FTO: variants seen among roughly 807,000 people sequenced by gnomAD.
The protein encoded by FTO is FTO alpha-ketoglutarate dependent dioxygenase.
In FTO, 47 loss-of-function variants were observed where a neutral mutation model predicts 63.9. That is an observed-to-expected ratio of 0.74 (90% confidence interval 0.58 to 0.94). The LOEUF (loss-of-function observed/expected upper bound fraction) is 0.94. Ranked by LOEUF, FTO falls within the 40% of genes least tolerant of loss-of-function variation. The pLI is 0.00. For synonymous variants in FTO, 207 were observed against 224.4 expected (o/e 0.92, Z 0.69); for missense variants, 562 against 618.1 (o/e 0.91, Z 0.96).
Position 54,024,677 on chromosome 16 carries a change from A to G in FTO, c.1365-87085A>G, listed in dbSNP as rs149716194. Reference sequence around the variant, plus strand: ...TTAACCATTCTCCCTCGGTTTTCCCATCTGAATAAAGGGAATAATAGCAAT... The same window carrying G: ...TTAACCATTCTCCCTCGGTTTTCCCGTCTGAATAAAGGGAATAATAGCAAT... On this transcript the variant is annotated intron_variant, in intron 8 of 8. Transcript: ENST00000471389. 5.7e-3 allele frequency among the ~76,000 whole-genome samples: 873 copies of G among 152,286 alleles called. 29 individuals are homozygous for G. Among genetic ancestry groups the G allele is most frequent in the Admixed American group, 0.048 (735 of 15,298 alleles).
chr16:53,888,171 T>C (rs1376576991), intron 6 of FTO, among the ~76,000 whole-genome samples: 1 of 151,912 alleles, frequency 6.6e-6, no homozygotes, highest in Non-Finnish European at 1.5e-5. Context: ...GTGAGCTGGG[T>C]TGTGTAAGAG....
At chr16:53,716,016 T>C (rs1404700161) in intron 1 of FTO, among the ~76,000 whole-genome samples, 1 of 152,190 alleles carries the variant, frequency 6.6e-6, no homozygotes, top group East Asian at 1.9e-4. Context: ...CAAATAATTA[T>C]AATAATGCAG....
At chr16:53,952,657 A>G (rs904337102) in intron 8 of FTO, among the ~76,000 whole-genome samples, 1 of 152,236 alleles carries the variant, frequency 6.6e-6, no homozygotes, top group African/African-American at 2.4e-5. Flanking sequence ...TCCAAGGCAG[A>G]AGAGACAGAG....
intron 2 of FTO, among the ~76,000 whole-genome samples, chr16:53,813,346 G>A (rs576990032): frequency 5.9e-5 from 9 of 151,998 alleles, no homozygotes; most frequent in African/African-American, 9.6e-5. Context: ...TGAGTAGCTG[G>A]GATTACAGGC....
chr16:53,779,129 T>A (rs2077528929), intron 1 of FTO, among the ~76,000 whole-genome samples: 1 of 152,178 alleles, frequency 6.6e-6, no homozygotes, highest in African/African-American at 2.4e-5. Flanking sequence ...TCTTTCTGCT[T>A]CCTGACTGGC....
At chr16:53,907,482 G>C (rs2081568579) in intron 7 of FTO, among the ~76,000 whole-genome samples, 1 of 152,112 alleles carries the variant, frequency 6.6e-6, no homozygotes, top group African/African-American at 2.4e-5. Flanking sequence ...TCGCTAACCT[G>C]GCCAATGATA....
rs1160487874 is a variant in FTO at position 54,106,704 on chromosome 16, TTGTA to T, written c.1365-5053_1365-5050del. ...ATATAAAATTATATAATTGTTACAA[TTGTA>T]TGTAATAGTTATATAATTATATATT... On this transcript the variant is annotated intron_variant, in intron 8 of 8. Coordinates refer to ENST00000471389, the MANE Select transcript of FTO (RefSeq NM_001080432.3). 1.3e-4 allele frequency among the ~76,000 whole-genome samples: 18 copies of T among 136,416 alleles called. No individual in the cohort carries two copies. The South Asian group carries it at 3.3e-3, about 25-fold the overall frequency. The allele number at this position is 136,416 out of a possible 152,430, so 89.5% of individuals were successfully genotyped here.
At chr16:53,783,088 A>G (rs1431685020) in intron 1 of FTO, among the ~76,000 whole-genome samples, 1 of 152,246 alleles carries the variant, frequency 6.6e-6, no homozygotes, top group Non-Finnish European at 1.5e-5. Flanking sequence ...CACAGGTACG[A>G]ATGAGATATG....
intron 7 of FTO, among the ~76,000 whole-genome samples, chr16:53,910,767 C>T (rs1337781584): frequency 6.6e-6 from 1 of 152,126 alleles, no homozygotes; most frequent in Non-Finnish European, 1.5e-5. Context: ...AACTCCTGAC[C>T]TCAGGGGATC....
At chr16:54,019,343 A>G (rs2084533553) in intron 8 of FTO, among the ~76,000 whole-genome samples, 1 of 152,228 alleles carries the variant, frequency 6.6e-6, no homozygotes, top group East Asian at 1.9e-4. Flanking sequence ...TCTGTTAACA[A>G]GGAAGAAGGT....
At chr16:54,067,710 G>A (rs1277169274) in intron 8 of FTO, among the ~76,000 whole-genome samples, 2 of 152,218 alleles carry the variant, frequency 1.3e-5, no homozygotes, top group Admixed American at 1.3e-4. Flanking sequence ...CACCAGATTG[G>A]AGGGTTATTT....
At chr16:54,030,544 A>G (rs1423258804) in intron 8 of FTO, among the ~76,000 whole-genome samples, 3 of 152,076 alleles carry the variant, frequency 2.0e-5, no homozygotes, top group African/African-American at 7.2e-5. Flanking sequence ...GATATCTAGC[A>G]AAACTTAGTC....
chr16:53,708,359 T>C (rs1427292020), intron 1 of FTO, among the ~76,000 whole-genome samples: 8 of 151,486 alleles, frequency 5.3e-5, no homozygotes, highest in African/African-American at 1.5e-4. Context: ...AGTGAGACTG[T>C]GTCTCAAAAA....
intron 1 of FTO, among the ~76,000 whole-genome samples, chr16:53,741,334 A>T (rs16952490): frequency 1.3e-5 from 2 of 152,148 alleles, no homozygotes; most frequent in African/African-American, 4.8e-5. Flanking sequence ...TGAAACAATG[A>T]GGTTATTCTA....
intron 4 of FTO, among the ~76,000 whole-genome samples, chr16:53,851,222 C>T (rs1008426898): frequency 2.0e-5 from 3 of 147,750 alleles, no homozygotes; most frequent in Non-Finnish European, 3.0e-5. Context: ...CCAAGGCGGA[C>T]GGATCTCTTG....
intron 4 of FTO, among the ~76,000 whole-genome samples, chr16:53,846,313 T>C (rs2079619466): frequency 6.6e-6 from 1 of 152,210 alleles, no homozygotes; most frequent in African/African-American, 2.4e-5. Flanking sequence ...GTGTCATTTG[T>C]AGGTAAACAT....
intron 8 of FTO, among the ~76,000 whole-genome samples, chr16:54,076,169 T>A (rs745526355): frequency 2.0e-5 from 3 of 152,222 alleles, no homozygotes. Flanking sequence ...TTATAGTGTG[T>A]TTAAAATACT....
At chr16:53,777,129 C>T (rs919609608) in intron 1 of FTO, among the ~76,000 whole-genome samples, 5 of 152,078 alleles carry the variant, frequency 3.3e-5, no homozygotes, top group African/African-American at 1.2e-4. Context: ...GTTTACTAGT[C>T]AGCATGCTGT....
In FTO at chr16:54,052,840, C is replaced by T. The variant is rs1599279759; in HGVS notation, c.1365-58922C>T. Among the ~76,000 whole-genome samples, 3 of 152,074 alleles carry T rather than the reference C, an allele frequency of 2.0e-5. No homozygotes were observed. The South Asian group carries it at 6.2e-4, about 32-fold the overall frequency. ...TCAGCCTCCTGAGTAGCTGGGACTA[C>T]AGATGCATGCCACCACACCCAGCTA... On this transcript the variant is annotated intron_variant, in intron 8 of 8. Coordinates refer to ENST00000471389, the MANE Select transcript of FTO (RefSeq NM_001080432.3).
Sources: allele counts gnomAD v4.1 joint callset (sites outside exome capture counted in the v4.1 genomes callset), GRCh38; gene constraint gnomAD v4.1.1; transcripts MANE v1.5; gene names NCBI Gene and HGNC (gene_info 2026-07-23, HGNC 2026-07-21).